NLGN4X: variants seen among roughly 807,000 people sequenced by gnomAD.
NLGN4X encodes neuroligin-4, X-linked.
NLGN4X carries 3 observed loss-of-function variants against 40.3 expected under a neutral mutation model. The ratio of observed to expected loss-of-function variants is 0.07; its 90% confidence interval spans 0.03 to 0.19. The LOEUF (loss-of-function observed/expected upper bound fraction) is 0.19. Among genes scored for constraint, NLGN4X ranks in the 10% least tolerant of loss-of-function variants. The pLI, the probability that NLGN4X is intolerant of heterozygous loss-of-function variation, is 1.00. For synonymous variants in NLGN4X, 270 were observed against 306.8 expected, an observed-to-expected ratio of 0.88 and a Z score of 1.25; for missense variants, 382 against 708.3, an observed-to-expected ratio of 0.54 and a Z score of 5.23.
intron 1 of NLGN4X, chrX:6,227,958 AGGG>A (rs34690932): frequency 1.2e-4 from 11 of 90,099 alleles, no homozygotes; most frequent in East Asian, 3.6e-4. Flanking sequence ...TTAAAGAATA[AGGG>A]GGGGGGGTGG....
intron 1 of NLGN4X, among the ~76,000 whole-genome samples, chrX:6,195,088 C>T (rs1922922435): frequency 1.8e-5 from 2 of 111,935 alleles, no homozygotes; most frequent in African/African-American, 6.5e-5. Flanking sequence ...CTGCACCTAT[C>T]AACCCGTCAC....
intron 3 of NLGN4X, among the ~76,000 whole-genome samples, chrX:5,937,732 A>G (rs1355700039): frequency 9.0e-6 from 1 of 111,560 alleles, no homozygotes; most frequent in Non-Finnish European, 1.9e-5. Flanking sequence ...TTGGATGAAC[A>G]CATTTTCAGG....
At chrX:6,004,004 C>A (rs982097686) in intron 3 of NLGN4X, among the ~76,000 whole-genome samples, 1 of 112,592 alleles carries the variant, frequency 8.9e-6, no homozygotes, top group Admixed American at 9.4e-5. Context: ...GGTTCACCCC[C>A]GCTGGCCTGG....
intron 3 of NLGN4X, among the ~76,000 whole-genome samples, chrX:5,991,020 C>G (rs954433233): frequency 1.8e-5 from 2 of 111,717 alleles, no homozygotes; most frequent in Admixed American, 1.9e-4. Context: ...GCAAGAAATG[C>G]AACCTTATTT....
At chrX:6,035,511 T>C (rs1321820984) in intron 2 of NLGN4X, among the ~76,000 whole-genome samples, 2 of 112,139 alleles carry the variant, frequency 1.8e-5, no homozygotes, top group African/African-American at 6.5e-5. Context: ...TTGAAATTGA[T>C]CTTTTTACAT....
chrX:6,085,796 C>T (rs151268747), intron 2 of NLGN4X, among the ~76,000 whole-genome samples: 253 of 112,298 alleles, frequency 2.3e-3, no homozygotes, highest in African/African-American at 7.3e-3. Context: ...CACACGGCAC[C>T]TGGCATGGAG....
intron 3 of NLGN4X, among the ~76,000 whole-genome samples, chrX:5,998,944 T>C: frequency 8.9e-6 from 1 of 112,427 alleles, no homozygotes; most frequent in Non-Finnish European, 1.9e-5. Flanking sequence ...CATGGATTGG[T>C]GTTAAGTAGA....
intron 3 of NLGN4X, among the ~76,000 whole-genome samples, chrX:5,964,405 C>G (rs1361518034): frequency 8.9e-6 from 1 of 111,854 alleles, no homozygotes; most frequent in Non-Finnish European, 1.9e-5. Flanking sequence ...TAAGAACTAG[C>G]CGACACAGAA....
chrX:6,124,351 A>G (rs947049189), intron 2 of NLGN4X, among the ~76,000 whole-genome samples: 1 of 111,837 alleles, frequency 8.9e-6, no homozygotes, highest in African/African-American at 3.2e-5. Flanking sequence ...ATAAAACACA[A>G]CATTCTTGGA....
chrX:6,027,405 G>A (rs2036729722), intron 3 of NLGN4X, among the ~76,000 whole-genome samples: 3 of 112,208 alleles, frequency 2.7e-5, no homozygotes, highest in South Asian at 3.6e-4. Context: ...TAAAGCCAAC[G>A]ACATAATAAG....
At chrX:5,994,963 T>C (rs1386612960) in intron 3 of NLGN4X, among the ~76,000 whole-genome samples, 2 of 112,611 alleles carry the variant, frequency 1.8e-5, no homozygotes, top group Non-Finnish European at 3.7e-5. Context: ...ACATATACCT[T>C]CTTTGATGTT....
At chrX:6,203,245 A>G (rs1167502216) in intron 1 of NLGN4X, among the ~76,000 whole-genome samples, 1 of 112,379 alleles carries the variant, frequency 8.9e-6, no homozygotes. Flanking sequence ...AACACAACAC[A>G]GCCCATTCCT....
intron 3 of NLGN4X, among the ~76,000 whole-genome samples, chrX:5,934,060 C>A (rs1454030689): frequency 8.1e-5 from 9 of 111,725 alleles, no homozygotes; most frequent in Non-Finnish European, 1.3e-4. Flanking sequence ...ATGAACCCAA[C>A]TTCCAGTCCC....
chrX:5,920,506 G>A (rs944253260), intron 3 of NLGN4X, among the ~76,000 whole-genome samples: 3 of 111,917 alleles, frequency 2.7e-5, no homozygotes, highest in Non-Finnish European at 5.6e-5. Context: ...CAGGTTAGTG[G>A]CAGTCAGGGT....
intron 2 of NLGN4X, among the ~76,000 whole-genome samples, chrX:6,062,989 C>T (rs2037809105): frequency 9.0e-6 from 1 of 111,260 alleles, no homozygotes; most frequent in Non-Finnish European, 1.9e-5. Context: ...GCTGTTCCCT[C>T]TGCCTGGAAC....
intron 4 of NLGN4X, among the ~76,000 whole-genome samples, chrX:5,905,214 G>A (rs1013637889): frequency 9.0e-6 from 1 of 111,725 alleles, no homozygotes; most frequent in Non-Finnish European, 1.9e-5. Flanking sequence ...TTAGGCAGTA[G>A]TGTATATAAA....
rs999436266 is a variant in NLGN4X, at chrX:5,891,190, T to C, written c.*1627A>G. On this transcript the variant is annotated 3_prime_UTR_variant, in exon 6 of 6. Coordinates refer to ENST00000381095, the MANE Select transcript of NLGN4X (RefSeq NM_181332.3). ...AGCTGTTGGAAAGACAAATCTCTGA[T>C]CCCTAGGTCACCAATTTAAAATGGG... The C allele has an allele frequency of 2.1e-5, 5 of 232,595 alleles. No homozygotes were observed. The Admixed American group carries it at 2.4e-4, about 11-fold the overall frequency. 19.2% of individuals were successfully genotyped at this position (232,595 alleles called of 1,213,427 possible).
At chrX:6,116,299 A>AAAAAAAAC (rs1385446832) in intron 2 of NLGN4X, among the ~76,000 whole-genome samples, 5 of 100,413 alleles carry the variant, frequency 5.0e-5, no homozygotes, top group African/African-American at 1.8e-4. Flanking sequence ...TCAAAAAAAA[A>AAAAAAAAC]AAAAAAAAAA....
chrX:6,194,762 A>G (rs1052341228), intron 1 of NLGN4X, among the ~76,000 whole-genome samples: 22 of 111,996 alleles, frequency 2.0e-4, no homozygotes, highest in Non-Finnish European at 3.0e-4. Context: ...AACAATCATA[A>G]TAACATTCAT....
Sources: allele counts gnomAD v4.1 joint callset (sites outside exome capture counted in the v4.1 genomes callset), GRCh38; gene constraint gnomAD v4.1.1; transcripts MANE v1.5; gene names NCBI Gene and HGNC (gene_info 2026-07-23, HGNC 2026-07-21).